Variants in LRRC4C observed in about 807,000 individuals in gnomAD.
The protein encoded by LRRC4C is leucine-rich repeat-containing protein 4C.
Under a neutral mutation model 33.6 loss-of-function variants are expected in LRRC4C, and 5 were observed. The ratio of observed to expected loss-of-function variants is 0.15; its 90% CI spans 0.08 to 0.31. LRRC4C has a LOEUF of 0.31. Among genes scored for constraint, LRRC4C ranks in the 10% least tolerant of loss-of-function variants. The pLI is 1.00. For missense variants in LRRC4C, 560 were observed against 796.7 expected (o/e 0.70, Z 3.58); for synonymous variants, 329 against 302.0 (o/e 1.09, Z -0.93).
chr11:40,449,351 A>AG (rs1377777988), intron 3 of LRRC4C, among the ~76,000 whole-genome samples: 4 of 151,838 alleles, frequency 2.6e-5, no homozygotes, highest in Non-Finnish European at 5.9e-5. Flanking sequence ...GAAGCAAAAA[A>AG]AAAAAAATCA....
chr11:41,294,709 G>A (rs906142108), intron 1 of LRRC4C, among the ~76,000 whole-genome samples: 3 of 151,990 alleles, frequency 2.0e-5, no homozygotes, highest in African/African-American at 7.2e-5. Context: ...AATGCAATAC[G>A]ATCCATGGCT....
At chr11:41,428,875 T>C (rs1955134563) in intron 1 of LRRC4C, among the ~76,000 whole-genome samples, 1 of 152,134 alleles carries the variant, frequency 6.6e-6, no homozygotes. Context: ...TGGAGATGTA[T>C]GTGACTAAGC....
At chr11:41,191,384 T>G (rs1349228396) in intron 1 of LRRC4C, among the ~76,000 whole-genome samples, 2 of 152,286 alleles carry the variant, frequency 1.3e-5, no homozygotes, top group East Asian at 3.9e-4. Flanking sequence ...AGAAGAATTA[T>G]TTGCCTGATT....
At chr11:40,511,394 G>T (rs1365494143) in intron 3 of LRRC4C, among the ~76,000 whole-genome samples, 3 of 152,080 alleles carry the variant, frequency 2.0e-5, no homozygotes, top group African/African-American at 7.2e-5. Context: ...CAAAGAGAAG[G>T]GCCATGAGAT....
intron 3 of LRRC4C, among the ~76,000 whole-genome samples, chr11:40,593,169 C>A (rs11035946): frequency 0.24 from 36,009 of 152,020 alleles, 4,756 homozygotes; most frequent in Middle Eastern, 0.36. Flanking sequence ...TATGTAAATA[C>A]ATCAAACAAA....
intron 1 of LRRC4C, among the ~76,000 whole-genome samples, chr11:41,346,002 T>C (rs992663591): frequency 2.0e-5 from 3 of 152,164 alleles, no homozygotes; most frequent in African/African-American, 7.2e-5. Flanking sequence ...GGTGACAAAC[T>C]AAGTATTCTA....
chr11:40,970,714 G>GT (rs1257161061), intron 1 of LRRC4C, among the ~76,000 whole-genome samples: 1 of 152,172 alleles, frequency 6.6e-6, no homozygotes, highest in African/African-American at 2.4e-5. Flanking sequence ...CTAGAGCCTT[G>GT]TTAAACTGCT....
At chr11:40,275,385 C>T (rs947490168) in intron 4 of LRRC4C, among the ~76,000 whole-genome samples, 2 of 152,228 alleles carry the variant, frequency 1.3e-5, no homozygotes, top group African/African-American at 2.4e-5. Flanking sequence ...GAAAAAGAAA[C>T]ATCTTGCACA....
chr11:41,196,066 A>G (rs1946166467), intron 1 of LRRC4C, among the ~76,000 whole-genome samples: 1 of 152,110 alleles, frequency 6.6e-6, no homozygotes, highest in Admixed American at 6.6e-5. Context: ...TTTGGACACA[A>G]TAGAAGGGGC....
chr11:40,849,762 T>C (rs1953386453), intron 2 of LRRC4C, among the ~76,000 whole-genome samples: 1 of 152,220 alleles, frequency 6.6e-6, no homozygotes, highest in African/African-American at 2.4e-5. Context: ...CCCTGTCACT[T>C]TCAGGTATAC....
chr11:40,776,170 G>T (rs1949984902), intron 2 of LRRC4C, among the ~76,000 whole-genome samples: 2 of 151,962 alleles, frequency 1.3e-5, no homozygotes, highest in African/African-American at 4.8e-5. Context: ...ACTGATTTCA[G>T]TTTGCTAAGA....
intron 1 of LRRC4C, among the ~76,000 whole-genome samples, chr11:41,295,520 T>G (rs1950114821): frequency 6.6e-6 from 1 of 152,312 alleles, no homozygotes; most frequent in South Asian, 2.1e-4. Context: ...CTTAGTGTAT[T>G]ATTTTTGTAA....
At chr11:41,127,448 T>A (rs1471987365) in intron 1 of LRRC4C, among the ~76,000 whole-genome samples, 1 of 152,068 alleles carries the variant, frequency 6.6e-6, no homozygotes, top group East Asian at 1.9e-4. Context: ...TAAAATAAAG[T>A]CTGCGTTTGA....
chr11:40,176,728 A>G (rs912993020), intron 5 of LRRC4C, among the ~76,000 whole-genome samples: 1 of 151,814 alleles, frequency 6.6e-6, no homozygotes, highest in Non-Finnish European at 1.5e-5. Context: ...TTTTGTAGAA[A>G]TTGGATTTTG....
intron 3 of LRRC4C, among the ~76,000 whole-genome samples, chr11:40,476,114 C>T (rs1367088561): frequency 2.6e-5 from 4 of 152,116 alleles, no homozygotes; most frequent in Admixed American, 2.0e-4. Flanking sequence ...TTTGGCTATA[C>T]CTTATCATCC....
At chr11:40,920,205 A>T (rs1278587918) in intron 2 of LRRC4C, among the ~76,000 whole-genome samples, 1 of 152,270 alleles carries the variant, frequency 6.6e-6, no homozygotes, top group Admixed American at 6.6e-5. Flanking sequence ...TTATTCCTTT[A>T]TTAGCCCCTT....
At chr11:40,749,942 T>C (rs1194510209) in intron 2 of LRRC4C, among the ~76,000 whole-genome samples, 1 of 151,940 alleles carries the variant, frequency 6.6e-6, no homozygotes, top group African/African-American at 2.4e-5. Context: ...TAAGAAGAAA[T>C]ATAAAACCTG....
chr11:40,464,426 G>T (rs1277415550), intron 3 of LRRC4C, among the ~76,000 whole-genome samples: 1 of 151,834 alleles, frequency 6.6e-6, no homozygotes, highest in Non-Finnish European at 1.5e-5. Flanking sequence ...AGGCAAGGAT[G>T]GCCACTTTCA....
At chr11:40,858,321 T>C (rs1953903988) in intron 2 of LRRC4C, among the ~76,000 whole-genome samples, 1 of 152,168 alleles carries the variant, frequency 6.6e-6, no homozygotes, top group African/African-American at 2.4e-5. Flanking sequence ...CTTGGTTGTT[T>C]CTTTTTTTCA....
Sources: gnomAD v4.1 joint callset for allele counts (sites outside exome capture counted in the v4.1 genomes callset) on GRCh38, gnomAD v4.1.1 for gene constraint, MANE v1.5 for transcripts, NCBI Gene and HGNC (gene_info 2026-07-23, HGNC 2026-07-21) for gene names.